The following CCND3 variants were observed in gnomAD, a reference collection of about 807,000 sequenced individuals.
The protein encoded by CCND3 is G1/S-specific cyclin-D3.
In CCND3, 9 loss-of-function variants were observed where a neutral mutation model predicts 28.7. The observed-to-expected ratio is 0.31, with a 90% confidence interval of 0.19 to 0.55. The LOEUF is 0.55. Ranked by LOEUF, CCND3 falls within the 20% of genes least tolerant of loss-of-function variation. The pLI is 0.93. For missense variants in CCND3, 315 were observed against 385.8 expected (o/e 0.82, Z 1.54); for synonymous variants, 164 against 163.9 (o/e 1.00, Z 0.00).
chr6:42,049,226 G>A (rs887109907), upstream of CCND3, among the ~76,000 whole-genome samples: 2 of 151,984 alleles, frequency 1.3e-5, no homozygotes, highest in Non-Finnish European at 2.9e-5. Context: ...TAGTAGACAC[G>A]GGGTTTCACC....
intron 1 of CCND3, among the ~76,000 whole-genome samples, chr6:41,997,813 C>A (rs141919251): frequency 1.1e-4 from 17 of 151,906 alleles, no homozygotes; most frequent in Admixed American, 5.3e-4. Context: ...TAAATCCAAT[C>A]ATCTCTAAGG....
intron 1 of CCND3, among the ~76,000 whole-genome samples, chr6:42,008,721 G>A (rs1443037361): frequency 6.6e-6 from 1 of 152,100 alleles, no homozygotes; most frequent in Non-Finnish European, 1.5e-5. Flanking sequence ...GTATATATTC[G>A]GTTATGGTTT....
chr6:41,995,614 T>C (rs1353286375), intron 1 of CCND3, among the ~76,000 whole-genome samples: 2 of 151,966 alleles, frequency 1.3e-5, no homozygotes, highest in African/African-American at 4.8e-5. Flanking sequence ...GTATAAACAA[T>C]TGTATAAATG....
intron 1 of CCND3, among the ~76,000 whole-genome samples, chr6:41,971,823 C>A (rs1487933822): frequency 6.7e-6 from 1 of 150,202 alleles, no homozygotes; most frequent in African/African-American, 2.4e-5. Flanking sequence ...CAGGTGTGAG[C>A]CACCGCACCC....
In CCND3 at chr6:41,969,815, A is replaced by G. The variant is rs149740802; in HGVS notation, c.-45-29230T>C. Among the ~76,000 whole-genome samples the G allele has an allele frequency of 2.0e-5, 3 of 152,294 alleles. No homozygotes were observed. In the East Asian group the frequency reaches 5.8e-4, roughly 29 times the overall value. ...GAAAGCATATGAACTTTGGTGTCAC[A>G]TCTGGGCTTAAATCACAGATCTACC... On this transcript the variant is annotated intron_variant, in intron 1 of 4. Transcript: ENST00000372988.
In CCND3 at chr6:41,936,692, T is replaced by A; in HGVS notation, c.578A>T (p.Tyr193Phe). 2 of 1,613,610 alleles carry A rather than the reference T, an allele frequency of 1.2e-6. No homozygotes were observed. Among genetic ancestry groups the A allele is most frequent in the Non-Finnish European group, 1.7e-6 (2 of 1,179,756 alleles). Reference protein sequence around the residue: ...QTFLALCATDYTFAMYPPSMI... With the variant: ...QTFLALCATDFTFAMYPPSMI... ...GGATGGCGGGTACATGGCAAAGGTA[T>A]AATCTTGGAGAGGAGGAAAGGGAAC... is the stretch of plus-strand genomic sequence containing the variant. Residue 193 changes from tyrosine (Y) to phenylalanine (F), a missense_variant, in exon 4 of 5, where the codon TAT becomes TTT. Physicochemically the swap from Tyr to Phe is conservative, Grantham distance 22. Coordinates refer to ENST00000372991, the MANE Select transcript of CCND3 (RefSeq NM_001760.5). This position sits in a 1 kb window ranked among gnomAD's most constrained non-coding sequence, Gnocchi z 4.4.
chr6:42,041,710 T>C (rs1764376901), intron 1 of CCND3, among the ~76,000 whole-genome samples: 1 of 152,162 alleles, frequency 6.6e-6, no homozygotes, highest in Admixed American at 6.5e-5. Context: ...CCCTGGGCCT[T>C]ATTCCCAGTG....
chr6:41,973,743 T>G (rs891231389), intron 1 of CCND3, among the ~76,000 whole-genome samples: 1 of 152,192 alleles, frequency 6.6e-6, no homozygotes, highest in African/African-American at 2.4e-5. Flanking sequence ...TAAATCCTGG[T>G]TCGGTCACTT....
upstream of CCND3, among the ~76,000 whole-genome samples, chr6:41,943,516 G>T (rs556363392): frequency 6.6e-6 from 1 of 152,096 alleles, no homozygotes; most frequent in South Asian, 2.1e-4. Flanking sequence ...AACCTGTATT[G>T]GTGGAAATTT....
Position 41,941,439 on chromosome 6 carries a change from G to C in CCND3, c.198+13C>G. The C allele has an allele frequency of 1.9e-6, 3 of 1,606,898 alleles. No homozygotes were observed. Among genetic ancestry groups the C allele is most frequent in the Non-Finnish European group, 2.5e-6 (3 of 1,178,276 alleles). On this transcript the variant is annotated intron_variant, in intron 1 of 4. Coordinates refer to ENST00000372991, the MANE Select transcript of CCND3 (RefSeq NM_001760.5). The surrounding 1 kb of genome is among the most constrained non-coding windows in gnomAD (Gnocchi z 6.1). ...CGGGAGCGGTGGGGGAGGGGGACGC[G>C]TCCGGGCGGTACCTCCAGCATCCAG...
chr6:42,020,176 G>A (rs1208296601), intron 1 of CCND3, among the ~76,000 whole-genome samples: 1 of 152,148 alleles, frequency 6.6e-6, no homozygotes, highest in African/African-American at 2.4e-5. Context: ...CTACTCAGGA[G>A]GCTGAGGCAG....
intron 1 of CCND3, among the ~76,000 whole-genome samples, chr6:41,993,653 G>A (rs1205512808): frequency 1.3e-5 from 2 of 151,130 alleles, no homozygotes; most frequent in African/African-American, 4.9e-5. Context: ...CAGATGATCC[G>A]CCCACCTCGG....
At chr6:42,047,481 G>A (rs1250068811) in intron 1 of CCND3, among the ~76,000 whole-genome samples, 1 of 152,166 alleles carries the variant, frequency 6.6e-6, no homozygotes, top group African/African-American at 2.4e-5. Flanking sequence ...GGTAGGCAGA[G>A]GGCAAGGACT....
At chr6:41,955,456 C>G (rs905001935) in intron 1 of CCND3, among the ~76,000 whole-genome samples, 1 of 151,876 alleles carries the variant, frequency 6.6e-6, no homozygotes, top group African/African-American at 2.4e-5. Flanking sequence ...AATCATATGA[C>G]TACATCAACA....
At chr6:41,994,831 T>C (rs1743352938) in intron 1 of CCND3, among the ~76,000 whole-genome samples, 1 of 152,096 alleles carries the variant, frequency 6.6e-6, no homozygotes, top group East Asian at 1.9e-4. Context: ...CTCAGCACTT[T>C]GGGAGTCCGA....
intron 1 of CCND3, among the ~76,000 whole-genome samples, chr6:41,973,325 T>C (rs1038406949): frequency 6.6e-6 from 1 of 152,174 alleles, no homozygotes; most frequent in African/African-American, 2.4e-5. Context: ...ATAAACAAAC[T>C]GATAAGCCAA....
Position 41,935,310 on chromosome 6 carries a change from A to AT in CCND3, c.*629dup, listed in dbSNP as rs1269379585. 4.3e-6 allele frequency: 1 copy of AT among 234,058 alleles called. No individual in the cohort carries two copies. Among genetic ancestry groups the AT allele is most frequent in the East Asian group, 6.0e-5 (1 of 16,610 alleles). The allele number at this position is 234,058 out of a possible 1,614,324, so 14.5% of individuals were successfully genotyped here. A position where few individuals can be genotyped will look rare whatever the true frequency, so the allele number is the denominator to read the frequency against. On this transcript the variant is annotated 3_prime_UTR_variant, in exon 5 of 5. Transcript: ENST00000372991. ...TGCTCAAAGCAATTAATAAATTAAA[A>AT]TGAGCCTTCAGCAGCAAAGCTGTCA...
intron 1 of CCND3, among the ~76,000 whole-genome samples, chr6:41,988,774 C>T (rs934315577): frequency 6.9e-6 from 1 of 145,630 alleles, no homozygotes; most frequent in Non-Finnish European, 1.5e-5. Flanking sequence ...TGTCGGCTCA[C>T]TGCAAGCTCC....
intron 1 of CCND3, among the ~76,000 whole-genome samples, chr6:42,024,828 G>A (rs988595459): frequency 3.3e-5 from 5 of 152,194 alleles, no homozygotes; most frequent in Admixed American, 2.0e-4. Flanking sequence ...GGAGGCTGAG[G>A]AGGGCAGATC....
Sources: gnomAD v4.1 joint callset for allele counts (sites outside exome capture counted in the v4.1 genomes callset) on GRCh38, gnomAD v4.1.1 for gene constraint, Gnocchi (gnomAD v3.1) non-coding constraint, MANE v1.5 for transcripts, NCBI Gene and HGNC (gene_info 2026-07-23, HGNC 2026-07-21) for gene names.